COMTD1: variants seen among roughly 807,000 people sequenced by gnomAD.
COMTD1 encodes the protein catechol O-methyltransferase domain-containing protein 1.
COMTD1 carries 35 observed loss-of-function variants against 33.6 expected under a neutral mutation model. The ratio of observed to expected loss-of-function variants is 1.04; its 90% CI spans 0.80 to 1.38. The LOEUF is 1.38. COMTD1 is among the 40% of genes most tolerant of loss of function. The pLI, the probability that COMTD1 is intolerant of heterozygous loss-of-function variation, is 0.00. For synonymous variants in COMTD1, 160 were observed against 176.8 expected (o/e 0.91, Z 0.75); for missense variants, 370 against 363.4 (o/e 1.02, Z -0.15).
In COMTD1 at chr10:75,235,108, G is replaced by A. The variant is rs1258096480; in HGVS notation, c.399C>T (p.Cys133=). The A allele has an allele frequency of 1.4e-6, 2 of 1,407,230 alleles. No individual in the cohort carries two copies. The highest frequency in any genetic ancestry group is 9.2e-7 in the Non-Finnish European group (1 of 1,087,374). The allele number at this position is 1,407,230 out of a possible 1,614,324, so 87.2% of individuals were successfully genotyped here. ...GCTCCGGGGGCTGCGCGTCCACCTCGCAGGTCACCACGCGCCCGTCCGCGG... is the reference window on the plus strand; with the variant it reads ...GCTCCGGGGGCTGCGCGTCCACCTCACAGGTCACCACGCGCCCGTCCGCGG... ...ALPADGRVVT[C]EVDAQPPELG... Residue 133 remains cysteine (C), a synonymous_variant, in exon 4 of 7, where the codon TGC becomes TGT. Coordinates refer to ENST00000372538, the MANE Select transcript of COMTD1 (RefSeq NM_144589.4).
chr10:75,234,100 A>C lies in COMTD1; in HGVS notation c.762T>G (p.Asp254Glu), dbSNP rs550786448. ...RVYISLLPLGDGLTLAFKI is the reference protein window; with the variant it reads ...RVYISLLPLGEGLTLAFKI Reference sequence around the variant, plus strand: ...AGATCTTGAAGGCCAAGGTGAGTCCATCGCCCAGGGGCAGGAGGCTGATGT... The same window carrying C: ...AGATCTTGAAGGCCAAGGTGAGTCCCTCGCCCAGGGGCAGGAGGCTGATGT... The change falls in exon 7 of 7, where the codon GAT becomes GAG. Residue 254 changes from aspartate (D) to glutamate (E), a missense_variant. Transcript: ENST00000372538. 5.6e-5 allele frequency: 91 copies of C among 1,614,030 alleles called. 1 individual carries two copies. In the South Asian group the frequency reaches 9.6e-4, roughly 17 times the overall value.
rs1842181943 is a variant in COMTD1 at position 75,235,695 on chromosome 10, G to A, written c.143C>T (p.Pro48Leu). Residue 48 changes from proline to leucine, a missense_variant, in exon 2 of 7, where the codon CCC (proline) becomes CTC (leucine). By Grantham distance (98) the Pro-to-Leu change is moderately conservative. Coordinates refer to ENST00000372538, the MANE Select transcript of COMTD1 (RefSeq NM_144589.4). ...WRGRREQCLL[P>L]PEDSRLWQYL... ...CTGCCACAGGCGGCTGTCCTCGGGG[G>A]GAAGCAGGCACTGCTCTCGCCGGCC... 1.3e-6 allele frequency: 2 copies of A among 1,598,154 alleles called. No homozygotes were observed. Among genetic ancestry groups the A allele is most frequent in the Non-Finnish European group, 1.7e-6 (2 of 1,173,860 alleles).
intron 6 of COMTD1, 142 bp from the exon 7 acceptor site, chr10:75,234,367 C>T: frequency 9.9e-7 from 1 of 1,014,982 alleles, no homozygotes; most frequent in African/African-American, 1.8e-5. Flanking sequence ...AAGGCGGGGT[C>T]TCGGAGGGAG....
At position 75,235,166 on chromosome 10, in the gene COMTD1, C is replaced by A. The variant is rs761391400; in HGVS notation, c.341G>T (p.Gly114Val). Residue 114 changes from glycine to valine, a missense_variant, in exon 4 of 7, where the codon GGC becomes GTC. Transcript: ENST00000372538. ...KKALDLGTFT[G>V]YSALALALAL... Reference sequence around the variant, plus strand: ...CAGGGCCAGGGCCAGGGCGGAGTAGCCCGTGAAGGTGCCTGGGACCAGGAC... The same window carrying A: ...CAGGGCCAGGGCCAGGGCGGAGTAGACCGTGAAGGTGCCTGGGACCAGGAC... 6 of 1,406,142 alleles carry A rather than the reference C, an allele frequency of 4.3e-6. No homozygotes were observed. In the African/African-American group the frequency reaches 6.1e-5, roughly 14 times the overall value. The allele number at this position is 1,406,142 out of a possible 1,614,324, so 87.1% of individuals were successfully genotyped here. A position where few individuals can be genotyped will look rare whatever the true frequency, so the allele number is the denominator to read the frequency against.
intron 1 of COMTD1, 39 bp from the exon 2 acceptor site, chr10:75,235,782 C>A (rs1440741222): frequency 1.7e-5 from 26 of 1,568,840 alleles, no homozygotes; most frequent in Non-Finnish European, 2.2e-5. Context: ...TGAGCCACGC[C>A]GCGCCCTACT....
rs1329902259 is a variant in COMTD1, at chr10:75,235,948, G to C, written c.-20C>G. ...GGTCATGGCGCGGGCAGGAGGCGGC[G>C]GGAGGCAGTGACAGGTCACGTGAGC... On this transcript the variant is annotated 5_prime_UTR_variant, in exon 1 of 7. Transcript: ENST00000372538. 1.2e-5 allele frequency: 17 copies of C among 1,432,846 alleles called. No homozygotes were observed. Among genetic ancestry groups the C allele is most frequent in the Non-Finnish European group, 1.5e-5 (17 of 1,102,654 alleles). The allele number at this position is 1,432,846 out of a possible 1,614,324, so 88.8% of individuals were successfully genotyped here. A position where few individuals can be genotyped will look rare whatever the true frequency, so the allele number is the denominator to read the frequency against.
Position 75,234,663 on chromosome 10 carries a change from A to C in COMTD1, c.583T>G (p.Tyr195Asp), listed in dbSNP as rs1226886756. The change falls in exon 6 of 7, where the codon TAC becomes GAC. Residue 195 changes from tyrosine (Y) to aspartate (D), a missense_variant. By Grantham distance (160) the Tyr-to-Asp change is radical. Transcript: ENST00000372538. ...DADKENCSAY[Y>D]ERCLQLLRPG... is the part of the protein sequence containing the mutation. ...CGCAGCAGCTGCAGGCAGCGCTCGT[A>C]GTAGGCGGAGCAGTTCTCCTTGTCC... 1 of 1,578,818 alleles carries C rather than the reference A, an allele frequency of 6.3e-7. No homozygotes were observed. Among genetic ancestry groups the C allele is most frequent in the South Asian group, 1.2e-5 (1 of 86,702 alleles).
chr10:75,235,331 G>T lies in COMTD1; in HGVS notation c.264C>A (p.Cys88Ter). Residue 88 changes from cysteine to a stop codon, truncating the protein, a stop_gained, in exon 3 of 7, where the codon TGC becomes TGA. Coordinates refer to ENST00000372538, the MANE Select transcript of COMTD1 (RefSeq NM_144589.4). LOFTEE classifies it high-confidence loss of function. Reference protein sequence around the residue: ...EQPQGDSMMTCEQAQLLANLA... With the variant: ...EQPQGDSMMT ...GGTTGGCCAAGAGCTGGGCCTGCTC[G>T]CAGGTCATCATAGAATCCCCCTGCG... 6.3e-7 allele frequency: 1 copy of T among 1,593,638 alleles called. No individual in the cohort carries two copies. Among genetic ancestry groups the T allele is most frequent in the Non-Finnish European group, 8.5e-7 (1 of 1,172,934 alleles).
chr10:75,234,534 A>G (rs1381987938), intron 6 of COMTD1, 76 bp downstream of exon 6: 1 of 1,493,940 alleles, frequency 6.7e-7, no homozygotes. Flanking sequence ...GCTTTGGGGT[A>G]TAAGAGGAGT....
In COMTD1 at chr10:75,235,028, C is replaced by T. The variant is rs1419193855; in HGVS notation, c.447+32G>A. 7.4e-6 allele frequency: 11 copies of T among 1,486,142 alleles called. No homozygotes were observed. The Middle Eastern group carries it at 6.1e-4, about 82-fold the overall frequency. 92.1% of individuals were successfully genotyped at this position (1,486,142 alleles called of 1,614,324 possible). On this transcript the variant is annotated intron_variant, in intron 4 of 6. Transcript: ENST00000372538. ...AGCGGGTCAGCCGTTGCGCCCCCGC[C>T]TGGGGCTGCAGAGCTAGGCGCGGGC...
intron 3 of COMTD1, 24 bp downstream of exon 3, chr10:75,235,243 G>T: frequency 6.7e-7 from 1 of 1,495,166 alleles, no homozygotes. Context: ...TCGGCCCTCC[G>T]GGATCCCGGC....
In COMTD1 at chr10:75,235,416, C is replaced by T. The variant is rs748821163; in HGVS notation, c.223-44G>A. The T allele has an allele frequency of 2.8e-6, 4 of 1,439,258 alleles. No individual in the cohort carries two copies. In the South Asian group the frequency reaches 5.3e-5, roughly 19 times the overall value. 89.2% of individuals were successfully genotyped at this position (1,439,258 alleles called of 1,614,324 possible). ...TGGCACCAGCCATGCAGGTCACCCA[C>T]CTTCGCCCTGGGGGTCCCAAGCCCC... On this transcript the variant is annotated intron_variant, in intron 2 of 6. Coordinates refer to ENST00000372538, the MANE Select transcript of COMTD1 (RefSeq NM_144589.4).
chr10:75,234,266 C>T, intron 6 of COMTD1, 41 bp from the exon 7 acceptor site: 2 of 1,575,102 alleles, frequency 1.3e-6, no homozygotes. Flanking sequence ...GGAGGCGGGG[C>T]TTCGGAGGGA....
At chr10:75,235,026 G>A (rs915815670) in intron 4 of COMTD1, 34 bp from the exon 5 acceptor site, 10 of 1,485,818 alleles carry the variant, frequency 6.7e-6, no homozygotes, top group East Asian at 2.8e-5. Context: ...TTGCGCCCCC[G>A]CCTGGGGCTG....
intron 2 of COMTD1, 74 bp downstream of exon 2, chr10:75,235,542 C>T (rs2132294306): frequency 1.4e-6 from 2 of 1,479,472 alleles, no homozygotes; most frequent in South Asian, 1.3e-5. Context: ...CAGGGCCCAG[C>T]CCAAGGTCAC....
intron 5 of COMTD1, 23 bp downstream of exon 5, chr10:75,234,915 G>A: frequency 6.5e-7 from 1 of 1,534,252 alleles, no homozygotes; most frequent in South Asian, 1.2e-5. Flanking sequence ...TGGCTTCAAA[G>A]CCCTTCCCGC....
At chr10:75,235,797 G>GGGGGCC in intron 1 of COMTD1, 38 bp downstream of exon 1, 33 of 1,538,328 alleles carry the variant, frequency 2.1e-5, no homozygotes, top group Non-Finnish European at 2.5e-5. Flanking sequence ...CCTACTCTGC[G>GGGGGCC]CCCGCCCACC....
In COMTD1 at chr10:75,233,734, A is replaced by G. The variant is rs1355651729; in HGVS notation, c.*339T>C. On this transcript the variant is annotated 3_prime_UTR_variant, in exon 7 of 7. Transcript: ENST00000372538. Reference sequence around the variant, plus strand: ...ACCAGAGCTTCGCCTGCCCTGAGGGAGAGATGTAGGAGGCAGACAAGCCCG... The same window carrying G: ...ACCAGAGCTTCGCCTGCCCTGAGGGGGAGATGTAGGAGGCAGACAAGCCCG... Among the ~76,000 whole-genome samples the G allele has an allele frequency of 6.6e-6, 1 of 152,196 alleles. No individual in the cohort carries two copies. The highest frequency in any genetic ancestry group is 1.5e-5 in the Non-Finnish European group (1 of 68,014).
Position 75,234,533 on chromosome 10 carries a change from T to C in COMTD1, c.636+77A>G, listed in dbSNP as rs562706679. 2.0e-4 allele frequency: 296 copies of C among 1,491,622 alleles called. 7 individuals are homozygous for C. The South Asian group carries it at 3.6e-3, about 18-fold the overall frequency. The allele number at this position is 1,491,622 out of a possible 1,614,324, so 92.4% of individuals were successfully genotyped here. On this transcript the variant is annotated intron_variant, in intron 6 of 6. Transcript: ENST00000372538. ...GACTGGACTGGGTGGGGCTTTGGGG[T>C]ATAAGAGGAGTCAAGGGAAAAGATG... is the stretch of plus-strand genomic sequence containing the variant.
Sources: allele counts gnomAD v4.1 joint callset (sites outside exome capture counted in the v4.1 genomes callset), GRCh38; gene constraint gnomAD v4.1.1; transcripts MANE v1.5; gene names NCBI Gene and HGNC (gene_info 2026-07-23, HGNC 2026-07-21).